Variants in VTI1A observed in about 807,000 individuals in gnomAD.
The protein encoded by VTI1A is vesicle transport through interaction with t-SNAREs homolog 1A.
VTI1A carries 22 observed loss-of-function variants against 34.9 expected under a neutral mutation model. The observed-to-expected ratio is 0.63, with a 90% CI of 0.45 to 0.90. VTI1A has a LOEUF of 0.90. VTI1A is among the 40% of genes least tolerant of loss of function. The probability of loss-of-function intolerance (pLI) is 0.00; values close to 1 mark genes in which losing one functional copy is unlikely to be tolerated. For missense variants in VTI1A, 268 were observed against 275.6 expected (o/e 0.97, Z 0.20); for synonymous variants, 87 against 97.3 (o/e 0.89, Z 0.62).
chr10:112,628,617 G>C (rs188702730), intron 5 of VTI1A, among the ~76,000 whole-genome samples: 14 of 152,218 alleles, frequency 9.2e-5, no homozygotes, highest in African/African-American at 3.4e-4. Flanking sequence ...TCATTTACAG[G>C]ATTGCATCCA....
intron 1 of VTI1A, among the ~76,000 whole-genome samples, chr10:112,451,809 T>C (rs1176117051): frequency 6.6e-6 from 1 of 152,226 alleles, no homozygotes; most frequent in African/African-American, 2.4e-5. Context: ...CTTTTGTTCA[T>C]GAATATTGTG....
intron 5 of VTI1A, among the ~76,000 whole-genome samples, chr10:112,660,181 A>G (rs996797322): frequency 6.6e-6 from 1 of 151,950 alleles, no homozygotes; most frequent in African/African-American, 2.4e-5. Context: ...GCACACTGCA[A>G]CCTCTGCCTC....
chr10:112,596,343 T>C (rs1445400308), intron 5 of VTI1A, among the ~76,000 whole-genome samples: 4 of 152,094 alleles, frequency 2.6e-5, no homozygotes, highest in Non-Finnish European at 4.4e-5. Context: ...GAATTTAATA[T>C]AGTATGAAGA....
intron 3 of VTI1A, among the ~76,000 whole-genome samples, chr10:112,472,293 C>G (rs1346854668): frequency 6.6e-6 from 1 of 152,138 alleles, no homozygotes; most frequent in Non-Finnish European, 1.5e-5. Flanking sequence ...AGACCAGCTC[C>G]TAGTGCAGAG....
chr10:112,512,900 T>A (rs1838692116), intron 3 of VTI1A, among the ~76,000 whole-genome samples: 1 of 152,150 alleles, frequency 6.6e-6, no homozygotes, highest in African/African-American at 2.4e-5. Flanking sequence ...GGTCCATGTG[T>A]CCAGTTTTAT....
rs10682533 is a variant in VTI1A, at chr10:112,537,311, GTATATATATATATA to G, written c.343-921_343-908del. On this transcript the variant is annotated intron_variant, in intron 4 of 7. Transcript: ENST00000393077. ...CATTTATATATTTCTAAGTATCTAG[GTATATATATATATA>G]TATATATATATATCTGTATCAGTTT... Among the ~76,000 whole-genome samples, 39 of 65,266 alleles carry G rather than the reference GTATATATATATATA, an allele frequency of 6.0e-4. 1 individual carries two copies. The highest frequency in any genetic ancestry group is 4.8e-3 in the South Asian group (10 of 2,084). The allele number at this position is 65,266 out of a possible 152,430, so 42.8% of individuals were successfully genotyped here.
chr10:112,538,177 T>A lies in VTI1A; in HGVS notation c.343-69T>A, dbSNP rs1850719996. On this transcript the variant is annotated intron_variant, in intron 4 of 7. Coordinates refer to ENST00000393077, the MANE Select transcript of VTI1A (RefSeq NM_145206.4). ...TGTTAGGGCATACGAAGGCATTTTT[T>A]TTTTAAGGCAAAAAAAAGAACATTG... 7.6e-6 allele frequency: 11 copies of A among 1,442,798 alleles called. No homozygotes were observed. The South Asian group carries it at 1.3e-4, about 17-fold the overall frequency. 89.4% of individuals were successfully genotyped at this position (1,442,798 alleles called of 1,614,324 possible).
chr10:112,497,773 A>C lies in VTI1A; in HGVS notation c.265-29314A>C, dbSNP rs187035478. ...AGTGACACCATTTAATTACTGATTC[A>C]CCTTACTTTACCGTTATTGTATTAT... On this transcript the variant is annotated intron_variant, in intron 3 of 7. Coordinates refer to ENST00000393077, the MANE Select transcript of VTI1A (RefSeq NM_145206.4). 3.4e-3 allele frequency among the ~76,000 whole-genome samples: 519 copies of C among 152,290 alleles called. 3 individuals are homozygous for C. Among genetic ancestry groups the C allele is most frequent in the Non-Finnish European group, 4.3e-3 (295 of 68,030 alleles).
intron 3 of VTI1A, among the ~76,000 whole-genome samples, chr10:112,507,309 T>C (rs1016169819): frequency 6.6e-6 from 1 of 152,202 alleles, no homozygotes; most frequent in Non-Finnish European, 1.5e-5. Context: ...CCACTGCTTT[T>C]TGGGTCTCTG....
the VTI1A span, among the ~76,000 whole-genome samples, chr10:112,830,280 G>GC: frequency 6.6e-6 from 1 of 151,758 alleles, no homozygotes; most frequent in African/African-American, 2.4e-5. Flanking sequence ...ATGACCTGAC[G>GC]CCTACCCCTG....
At chr10:112,480,314 G>A (rs1589813859) in intron 3 of VTI1A, among the ~76,000 whole-genome samples, 2 of 152,236 alleles carry the variant, frequency 1.3e-5, no homozygotes, top group Non-Finnish European at 2.9e-5. Context: ...TTTTAATTTT[G>A]GTGGTTCTTA....
intron 5 of VTI1A, among the ~76,000 whole-genome samples, chr10:112,598,227 G>T (rs1284253317): frequency 6.6e-6 from 1 of 152,104 alleles, no homozygotes. Context: ...TTGATTTTTG[G>T]CTGTCTTCAG....
At chr10:112,601,802 CCTT>C (rs553151771) in intron 5 of VTI1A, among the ~76,000 whole-genome samples, 26 of 152,232 alleles carry the variant, frequency 1.7e-4, no homozygotes, top group African/African-American at 5.8e-4. Context: ...CACATTTTAT[CCTT>C]CTTAGGAGTA....
At chr10:112,844,392 G>A in the VTI1A span, among the ~76,000 whole-genome samples, 1 of 152,308 alleles carries the variant, frequency 6.6e-6, no homozygotes, top group East Asian at 1.9e-4. Context: ...CTGAGGTCAT[G>A]GAAAGGAGAA....
chr10:112,792,466 A>G (rs1207228515), intron 7 of VTI1A, among the ~76,000 whole-genome samples: 1 of 152,012 alleles, frequency 6.6e-6, no homozygotes. Flanking sequence ...TCACCTTAGT[A>G]CCACACTCTT....
chr10:112,615,743 A>G (rs2134539063), intron 5 of VTI1A, among the ~76,000 whole-genome samples: 1 of 152,302 alleles, frequency 6.6e-6, no homozygotes, highest in East Asian at 1.9e-4. Context: ...AAGATAAGTA[A>G]GAATTAAGTA....
chr10:112,466,658 G>A (rs10159929), intron 3 of VTI1A, among the ~76,000 whole-genome samples: 136,056 of 152,234 alleles, frequency 0.89, 61,984 homozygotes, highest in African/African-American at 0.97. Flanking sequence ...AAAATAACAT[G>A]TTTATAAAGA....
At chr10:112,708,992 A>G (rs1377752344) in intron 7 of VTI1A, among the ~76,000 whole-genome samples, 1 of 152,176 alleles carries the variant, frequency 6.6e-6, no homozygotes, top group Non-Finnish European at 1.5e-5. Flanking sequence ...GTAGTTTCTG[A>G]ATCTATGGAC....
chr10:112,756,340 C>T (rs1364660195), intron 7 of VTI1A, among the ~76,000 whole-genome samples: 1 of 152,152 alleles, frequency 6.6e-6, no homozygotes, highest in East Asian at 1.9e-4. Flanking sequence ...TCCCGGGCTA[C>T]CTAGTTGCCT....
Sources: allele counts gnomAD v4.1 joint callset (sites outside exome capture counted in the v4.1 genomes callset), GRCh38; gene constraint gnomAD v4.1.1; transcripts MANE v1.5; gene names NCBI Gene and HGNC (gene_info 2026-07-23, HGNC 2026-07-21).